Variants in RNF213 observed in about 807,000 individuals in gnomAD.
The protein encoded by RNF213 is E3 ubiquitin-protein ligase RNF213.
In RNF213, 341 loss-of-function variants were observed where a neutral mutation model predicts 514.4. The observed-to-expected ratio is 0.66, with a 90% CI of 0.61 to 0.73. The LOEUF is 0.73. Ranked by LOEUF, RNF213 falls within the 30% of genes least tolerant of loss-of-function variation. The probability of loss-of-function intolerance (pLI) is 0.00; values close to 1 mark genes in which losing one functional copy is unlikely to be tolerated. For missense variants in RNF213, 5,767 were observed against 6,615.6 expected, an observed-to-expected ratio of 0.87 and a Z score of 4.45; for synonymous variants, 2,655 against 2,658.2, an observed-to-expected ratio of 1.00 and a Z score of 0.04.
chr17:80,289,343 A>C (rs909199585), intron 5 of RNF213, among the ~76,000 whole-genome samples: 1 of 152,190 alleles, frequency 6.6e-6, no homozygotes, highest in Non-Finnish European at 1.5e-5. Flanking sequence ...TAATCCCAGC[A>C]CTTTGGGAAG....
Position 80,327,892 on chromosome 17 carries a change from G to A in RNF213, c.3270G>A (p.Thr1090=), listed in dbSNP as rs1175834876. 17 of 1,537,102 alleles carry A rather than the reference G, an allele frequency of 1.1e-5. No homozygotes were observed. Among genetic ancestry groups the A allele is most frequent in the Admixed American group, 3.9e-5 (2 of 50,972 alleles). ...RLIAVADSVL[T]KVVGDLLSGT... ...TAGCTGTTGCCGACTCTGTGTTGAC[G>A]AAAGTTGTTGGTGACCTCCTAAGTG... Residue 1090 remains threonine, a synonymous_variant, in exon 19 of 68, where the codon ACG becomes ACA. Transcript: ENST00000582970.
At position 80,263,823 on chromosome 17, in the gene RNF213, CT is replaced by C; in HGVS notation, c.97+46del. On this transcript the variant is annotated intron_variant, in intron 2 of 67. Transcript: ENST00000582970. The surrounding 1 kb of genome is among the most constrained non-coding windows in gnomAD (Gnocchi z 4.9). ...GTGGAGGCTGGGGCAGTGGGGACCC[CT>C]GGAGATGTCTCACCTCCCTTCCAGG... is the stretch of plus-strand genomic sequence containing the variant. The C allele has an allele frequency of 6.6e-7, 1 of 1,523,328 alleles. No individual in the cohort carries two copies. The highest frequency in any genetic ancestry group is 9.1e-7 in the Non-Finnish European group (1 of 1,097,676). 94.4% of individuals were successfully genotyped at this position (1,523,328 alleles called of 1,614,324 possible). A position where few individuals can be genotyped will look rare whatever the true frequency, so the allele number is the denominator to read the frequency against.
At chr17:80,307,082 T>C (rs757117809) in intron 12 of RNF213, 46 bp from the exon 13 acceptor site, 1 of 1,579,448 alleles carries the variant, frequency 6.3e-7, no homozygotes. Context: ...ACAGTGGCAT[T>C]GTGATTCAAT....
At chr17:80,376,277 A>C (rs2079755130) in intron 51 of RNF213, 24 bp from the exon 52 acceptor site, 1 of 1,613,464 alleles carries the variant, frequency 6.2e-7, no homozygotes, top group African/African-American at 1.3e-5. Context: ...GATACATCTT[A>C]ATGTTAAGTT....
At chr17:80,324,504 A>T (rs2046228770) in intron 17 of RNF213, among the ~76,000 whole-genome samples, 1 of 152,176 alleles carries the variant, frequency 6.6e-6, no homozygotes, top group Admixed American at 6.5e-5. Flanking sequence ...GTCAGAAAGT[A>T]TCTATTATAA....
At chr17:80,386,963 T>G in intron 63 of RNF213, 72 bp downstream of exon 63, 1 of 1,430,132 alleles carries the variant, frequency 7.0e-7, no homozygotes, top group South Asian at 1.2e-5. Flanking sequence ...GGTGTGTTTC[T>G]CGAGAGAGGG....
intron 46 of RNF213, among the ~76,000 whole-genome samples, chr17:80,370,850 C>T (rs1467061552): frequency 1.3e-5 from 2 of 152,184 alleles, no homozygotes; most frequent in East Asian, 3.8e-4. Context: ...GAGCCAGCCT[C>T]AGCCAAACAA....
chr17:80,339,127 GTGT>G, intron 25 of RNF213, 71 bp from the exon 26 acceptor site: 1 of 1,285,774 alleles, frequency 7.8e-7, no homozygotes, highest in Non-Finnish European at 1.0e-6. Flanking sequence ...CGGTAGGCCT[GTGT>G]GCTGTTGCAG....
Position 80,338,011 on chromosome 17 carries a change from T to A in RNF213, c.4833+14T>A. On this transcript the variant is annotated intron_variant, in intron 25 of 67. Coordinates refer to ENST00000582970, the MANE Select transcript of RNF213 (RefSeq NM_001256071.3). Reference sequence around the variant, plus strand: ...AGGTTTTCAGAGGTGAGGGCGCATCTTTGCAGTGGCGCTAAGCTGGTGGTG... The same window carrying A: ...AGGTTTTCAGAGGTGAGGGCGCATCATTGCAGTGGCGCTAAGCTGGTGGTG... The A allele has an allele frequency of 6.5e-7, 1 of 1,537,274 alleles. No homozygotes were observed. Among genetic ancestry groups the A allele is most frequent in the Non-Finnish European group, 8.7e-7 (1 of 1,146,926 alleles).
chr17:80,313,612 T>TGGTGATTGTGGTGGAGGTGATGGTGGA (rs1175613029), intron 15 of RNF213, among the ~76,000 whole-genome samples: 3 of 142,622 alleles, frequency 2.1e-5, no homozygotes, highest in Admixed American at 7.0e-5. Context: ...GTGGAGGTGA[T>TGGTGATTGTGGTGGAGGTGATGGTGGA]GGTGATTGTG....
chr17:80,278,944 C>T, intron 3 of RNF213: 1 of 1,535,848 alleles, frequency 6.5e-7, no homozygotes, highest in Non-Finnish European at 8.7e-7. Context: ...CAGAATGCTC[C>T]CTGCCCTGGT....
At position 80,279,016 on chromosome 17, in the gene RNF213, G is replaced by A. The variant is rs1441188822; in HGVS notation, c.261+5612G>A. ...TCCGGCCCTTGAGTCCCTGCCAGTC[G>A]AGGAAGGCTGCCCAGGATGGGCGTT... On this transcript the variant is annotated intron_variant, in intron 3 of 67. Coordinates refer to ENST00000582970, the MANE Select transcript of RNF213 (RefSeq NM_001256071.3). The A allele has an allele frequency of 1.7e-5, 25 of 1,446,672 alleles. No individual in the cohort carries two copies. The Admixed American group carries it at 4.7e-4, about 27-fold the overall frequency. 89.6% of individuals were successfully genotyped at this position (1,446,672 alleles called of 1,614,324 possible). A position where few individuals can be genotyped will look rare whatever the true frequency, so the allele number is the denominator to read the frequency against.
At chr17:80,304,501 G>A (rs188589132) in intron 11 of RNF213, among the ~76,000 whole-genome samples, 81 of 152,154 alleles carry the variant, frequency 5.3e-4, no homozygotes, top group African/African-American at 1.8e-3. Flanking sequence ...TGAGCCGGGC[G>A]TGGTGGCAGG....
At chr17:80,283,685 C>T (rs1262467366) in intron 3 of RNF213, among the ~76,000 whole-genome samples, 3 of 152,032 alleles carry the variant, frequency 2.0e-5, no homozygotes, top group East Asian at 3.9e-4. Flanking sequence ...AGGAAAGAAG[C>T]GGTAGGGGGC....
At chr17:80,389,714 G>T in intron 65 of RNF213, 114 bp from the exon 66 acceptor site, 1 of 894,142 alleles carries the variant, frequency 1.1e-6, no homozygotes. Flanking sequence ...CATTAGTACA[G>T]GGCAGAACGA....
At chr17:80,261,757 G>A (rs765735495) in intron 1 of RNF213, among the ~76,000 whole-genome samples, 8 of 152,354 alleles carry the variant, frequency 5.3e-5, no homozygotes, top group Middle Eastern at 3.4e-3. Context: ...AGTGGCTAAT[G>A]CCTGTAATCC....
Position 80,354,254 on chromosome 17 carries a change from C to T in RNF213, c.10726+88C>T. 8.5e-6 allele frequency: 13 copies of T among 1,525,824 alleles called. No individual in the cohort carries two copies. The South Asian group carries it at 1.0e-4, about 12-fold the overall frequency. 94.5% of individuals were successfully genotyped at this position (1,525,824 alleles called of 1,614,324 possible). On this transcript the variant is annotated intron_variant, in intron 35 of 67. Coordinates refer to ENST00000582970, the MANE Select transcript of RNF213 (RefSeq NM_001256071.3). ...TCATTTCACTGTGTGTTGGGGGACA[C>T]CCTCTCAGGTTTCCATGGCTCAGCA...
At position 80,350,289 on chromosome 17, in the gene RNF213, C is replaced by T; in HGVS notation, c.10089-12C>T. On this transcript the variant is annotated splice_polypyrimidine_tract_variant and intron_variant, in intron 30 of 67. Coordinates refer to ENST00000582970, the MANE Select transcript of RNF213 (RefSeq NM_001256071.3). ...CAGAGAACTCACTTGAATAACTTCC[C>T]TTTTCTTTCAGAAACTGTTTAACGA... The T allele has an allele frequency of 1.3e-6, 2 of 1,538,212 alleles. No homozygotes were observed. The highest frequency in any genetic ancestry group is 1.8e-6 in the Non-Finnish European group (2 of 1,110,972).
At position 80,298,411 on chromosome 17, in the gene RNF213, T is replaced by G; in HGVS notation, c.2103T>G (p.Cys701Trp). The part of the protein sequence containing the change: ...WLGALPVLHC[C>W]MELAPRHKDA... ...GCGCCCTGCCTGTCCTGCACTGCTG[T>G]ATGGAGCTGGCCCCGCGGCACAAGG... is the stretch of plus-strand genomic sequence containing the variant. Residue 701 changes from cysteine to tryptophan, a missense_variant, in exon 11 of 68, where the codon TGT becomes TGG. Transcript: ENST00000582970. 1.2e-6 allele frequency: 2 copies of G among 1,614,170 alleles called. No individual in the cohort carries two copies. The highest frequency in any genetic ancestry group is 1.7e-6 in the Non-Finnish European group (2 of 1,180,030).
Sources: allele counts gnomAD v4.1 joint callset (sites outside exome capture counted in the v4.1 genomes callset), GRCh38; gene constraint gnomAD v4.1.1; non-coding constraint Gnocchi (gnomAD v3.1); transcripts MANE v1.5; gene names NCBI Gene and HGNC (gene_info 2026-07-23, HGNC 2026-07-21).